ABI1: variants seen among roughly 807,000 people sequenced by gnomAD.
ABI1 encodes Abelson interactor 1.
Under a neutral mutation model 54.6 loss-of-function variants are expected in ABI1, and 14 were observed. The observed-to-expected ratio is 0.26, with a 90% CI of 0.17 to 0.40. ABI1 has a LOEUF of 0.40. ABI1 is among the 10% of genes least tolerant of loss of function. ABI1 has a pLI of 1.00. For missense variants in ABI1, 443 were observed against 598.3 expected (o/e 0.74, Z 2.71); for synonymous variants, 194 against 209.3 (o/e 0.93, Z 0.63).
In ABI1 at chr10:26,822,120, T is replaced by C. The variant is rs181323164; in HGVS notation, c.285+1018A>G. ...TCAAGAGTACAGAAACAAAAATTCC[T>C]AATACACACACAAACCAATGTAATT... On this transcript the variant is annotated intron_variant, in intron 2 of 10. Coordinates refer to ENST00000376140, the MANE Select transcript of ABI1 (RefSeq NM_001012750.3). Among the ~76,000 whole-genome samples, 417 of 152,190 alleles carry C rather than the reference T, an allele frequency of 2.7e-3. 1 individual carries two copies. The highest frequency in any genetic ancestry group is 9.8e-3 in the African/African-American group (405 of 41,514).
intron 8 of ABI1, among the ~76,000 whole-genome samples, chr10:26,756,275 C>T (rs919931012): frequency 2.0e-5 from 3 of 151,996 alleles, no homozygotes; most frequent in Non-Finnish European, 4.4e-5. Context: ...CCTTTAAAGA[C>T]AGTTCTTATT....
In ABI1 at chr10:26,747,372, T is replaced by C. The variant is rs886883088; in HGVS notation, c.*1198A>G. The C allele has an allele frequency of 1.8e-5, 4 of 224,582 alleles. No homozygotes were observed. The highest frequency in any genetic ancestry group is 3.6e-5 in the Non-Finnish European group (4 of 112,598). The allele number at this position is 224,582 out of a possible 1,614,324, so 13.9% of individuals were successfully genotyped here. A position where few individuals can be genotyped will look rare whatever the true frequency, so the allele number is the denominator to read the frequency against. Reference sequence around the variant, plus strand: ...TATGTCAAAAGACAATCCAAGTCTGTTGGTTAGGTAAATCTCTGTTCACTG... The same window carrying C: ...TATGTCAAAAGACAATCCAAGTCTGCTGGTTAGGTAAATCTCTGTTCACTG... On this transcript the variant is annotated 3_prime_UTR_variant, in exon 11 of 11. Transcript: ENST00000376140.
chr10:26,804,317 A>G (rs1348040346), intron 2 of ABI1, among the ~76,000 whole-genome samples: 1 of 151,816 alleles, frequency 6.6e-6, no homozygotes, highest in African/African-American at 2.4e-5. Context: ...CGGGAGACAG[A>G]GGTTGCAGTG....
intron 2 of ABI1, among the ~76,000 whole-genome samples, chr10:26,795,257 A>T (rs1331575069): frequency 3.3e-5 from 5 of 152,180 alleles, no homozygotes; most frequent in African/African-American, 7.2e-5. Context: ...ATAAGAATAT[A>T]CAAAGGATCT....
intron 2 of ABI1, among the ~76,000 whole-genome samples, chr10:26,798,692 T>G (rs2046357696): frequency 1.3e-5 from 2 of 152,042 alleles, no homozygotes; most frequent in East Asian, 3.9e-4. Flanking sequence ...GGTTGGGGAA[T>G]GTTCTAGAAA....
intron 2 of ABI1, among the ~76,000 whole-genome samples, chr10:26,811,758 GATTTGTATAA>G (rs147764822): frequency 0.074 from 1,389 of 18,660 alleles, 13 homozygotes; most frequent in African/African-American, 0.11. Flanking sequence ...TTTATGCAAA[GATTTGTATAA>G]ATTTGTATAA....
chr10:26,782,933 A>T (rs1399701188), intron 2 of ABI1, among the ~76,000 whole-genome samples: 1 of 152,242 alleles, frequency 6.6e-6, no homozygotes, highest in Non-Finnish European at 1.5e-5. Flanking sequence ...GATTCCTCAC[A>T]AAATTAAAAA....
chr10:26,820,144 T>C (rs753123858), intron 2 of ABI1, among the ~76,000 whole-genome samples: 2 of 152,150 alleles, frequency 1.3e-5, no homozygotes, highest in Non-Finnish European at 2.9e-5. Context: ...TAATATAGGG[T>C]TGTAGACTTG....
At chr10:26,835,749 T>C (rs1015642828) in intron 1 of ABI1, among the ~76,000 whole-genome samples, 2 of 150,928 alleles carry the variant, frequency 1.3e-5, no homozygotes, top group African/African-American at 4.9e-5. Context: ...CAACCATTAC[T>C]TGAAGGGAAA....
intron 8 of ABI1, among the ~76,000 whole-genome samples, chr10:26,756,020 G>A (rs1838256367): frequency 6.6e-6 from 1 of 152,040 alleles, no homozygotes. Context: ...CATTGTTTGG[G>A]GAGGATTTAA....
chr10:26,823,135 T>C lies in ABI1; in HGVS notation c.285+3A>G. The C allele has an allele frequency of 6.3e-7, 1 of 1,585,568 alleles. No individual in the cohort carries two copies. The highest frequency in any genetic ancestry group is 1.2e-5 in the South Asian group (1 of 84,226). ...GAATTTAAAGCATTTTATAAGCTGT[T>C]ACCTGTGAGATATGATTGATGGAAG... is the stretch of plus-strand genomic sequence containing the variant. On this transcript the variant is annotated splice_donor_region_variant and intron_variant, in intron 2 of 10. Coordinates refer to ENST00000376140, the MANE Select transcript of ABI1 (RefSeq NM_001012750.3).
In ABI1 at chr10:26,843,101, T is replaced by C. The variant is rs569900386; in HGVS notation, c.117+17646A>G. Among the ~76,000 whole-genome samples, 168 of 152,004 alleles carry C rather than the reference T, an allele frequency of 1.1e-3. 1 individual carries two copies. The highest frequency in any genetic ancestry group is 3.7e-3 in the African/African-American group (153 of 41,484). On this transcript the variant is annotated intron_variant, in intron 1 of 10. Transcript: ENST00000376140. ...CACAAGTTTGGCTCTGGCTTTTGCATGAATCCACAAAGATAAAGGAAAAAA... is the reference window on the plus strand; with the variant it reads ...CACAAGTTTGGCTCTGGCTTTTGCACGAATCCACAAAGATAAAGGAAAAAA...
At chr10:26,782,778 T>C (rs1353808831) in intron 2 of ABI1, among the ~76,000 whole-genome samples, 1 of 148,050 alleles carries the variant, frequency 6.8e-6, no homozygotes, top group Non-Finnish European at 1.5e-5. Flanking sequence ...AGACACTCAA[T>C]ACCACTTATC....
At chr10:26,749,861 T>C (rs760855459) in intron 10 of ABI1, among the ~76,000 whole-genome samples, 3 of 152,226 alleles carry the variant, frequency 2.0e-5, no homozygotes, top group Non-Finnish European at 2.9e-5. Context: ...TGAGTAGTTG[T>C]GACAGAGACT....
At chr10:26,791,068 C>CAAAAAAAAAAAAAAAAAAAAAAAA (rs369738380) in intron 2 of ABI1, among the ~76,000 whole-genome samples, 2 of 59,138 alleles carry the variant, frequency 3.4e-5, no homozygotes, top group Admixed American at 2.2e-4. Context: ...GATTCCGTCT[C>CAAAAAAAAAAAAAAAAAAAAAAAA]AAAAAAAAAA....
chr10:26,751,741 T>A lies in ABI1; in HGVS notation c.1127A>T (p.Asp376Val). ...PTPPPPPPPD[D>V]IPMFDDSPPP... ...TGGAGAGTCATCAAACATGGGAATG[T>A]CATCTGGTGGAGGTGGTGGCGGTGG... The change falls in exon 10 of 11, where the codon GAC becomes GTC. Residue 376 changes from aspartate to valine, a missense_variant. By Grantham distance (152) the Asp-to-Val change is radical. Transcript: ENST00000376140. 1 of 1,613,714 alleles carries A rather than the reference T, an allele frequency of 6.2e-7. No individual in the cohort carries two copies. The highest frequency in any genetic ancestry group is 1.3e-5 in the African/African-American group (1 of 74,986).
chr10:26,798,089 AAG>A (rs762558652), intron 2 of ABI1, among the ~76,000 whole-genome samples: 1 of 152,180 alleles, frequency 6.6e-6, no homozygotes, highest in Non-Finnish European at 1.5e-5. Flanking sequence ...GACTAGGAAA[AAG>A]AGAGGACAAA....
rs563115316 is a variant in ABI1, at chr10:26,809,377, G to A, written c.285+13761C>T. ...GTTCGAGACCACCCTGGGAAACATA[G>A]TGAGACCCCATCTCTACAAAAAGAT... On this transcript the variant is annotated intron_variant, in intron 2 of 10. Transcript: ENST00000376140. Among the ~76,000 whole-genome samples, 3 of 151,424 alleles carry A rather than the reference G, an allele frequency of 2.0e-5. 1 individual carries two copies. In the East Asian group the frequency reaches 5.8e-4, roughly 29 times the overall value.
At chr10:26,791,086 A>AC (rs1358803711) in intron 2 of ABI1, among the ~76,000 whole-genome samples, 1 of 151,542 alleles carries the variant, frequency 6.6e-6, no homozygotes, top group East Asian at 1.9e-4. Flanking sequence ...AAAAAAAAAA[A>AC]AAAAACAGAG....
Sources: allele counts gnomAD v4.1 joint callset (sites outside exome capture counted in the v4.1 genomes callset), GRCh38; gene constraint gnomAD v4.1.1; transcripts MANE v1.5; gene names NCBI Gene and HGNC (gene_info 2026-07-23, HGNC 2026-07-21).